Variants in PDLIM5 observed in about 807,000 individuals in gnomAD.
PDLIM5 encodes the protein PDZ and LIM domain protein 5.
Under a neutral mutation model 64.2 loss-of-function variants are expected in PDLIM5, and 34 were observed. That is an observed-to-expected ratio of 0.53 (90% CI 0.40 to 0.71). PDLIM5 has a LOEUF of 0.71. PDLIM5 is among the 30% of genes least tolerant of loss of function. The pLI, the probability that PDLIM5 is intolerant of heterozygous loss-of-function variation, is 0.00. For missense variants in PDLIM5, 683 were observed against 733.6 expected, an observed-to-expected ratio of 0.93 and a Z score of 0.80; for synonymous variants, 253 against 269.1, an observed-to-expected ratio of 0.94 and a Z score of 0.59.
At chr4:94,565,710 A>G (rs914884562) in intron 3 of PDLIM5, among the ~76,000 whole-genome samples, 2 of 152,210 alleles carry the variant, frequency 1.3e-5, no homozygotes, top group African/African-American at 2.4e-5. Context: ...TCCTGTTAGT[A>G]TAGGGAAAAA....
intron 3 of PDLIM5, among the ~76,000 whole-genome samples, chr4:94,535,916 T>C (rs1475706830): frequency 1.3e-5 from 2 of 151,776 alleles, no homozygotes; most frequent in Admixed American, 1.3e-4. Context: ...AATTGTATTT[T>C]TAGTGGCTGG....
chr4:94,566,305 G>A (rs1002445602), intron 3 of PDLIM5, among the ~76,000 whole-genome samples: 1 of 152,034 alleles, frequency 6.6e-6, no homozygotes, highest in South Asian at 2.1e-4. Context: ...TTATATGATG[G>A]GTCAAGTGAA....
At chr4:94,561,199 A>G (rs1328072774) in intron 3 of PDLIM5, among the ~76,000 whole-genome samples, 2 of 152,202 alleles carry the variant, frequency 1.3e-5, no homozygotes, top group African/African-American at 2.4e-5. Flanking sequence ...GGAATGAGGA[A>G]GAACACTGCA....
intron 3 of PDLIM5, among the ~76,000 whole-genome samples, chr4:94,529,937 TA>T (rs1730711314): frequency 6.6e-6 from 1 of 152,222 alleles, no homozygotes; most frequent in South Asian, 2.1e-4. Flanking sequence ...GATCATTTTT[TA>T]AAATTACATT....
At chr4:94,504,250 A>G (rs1179383629) in intron 2 of PDLIM5, among the ~76,000 whole-genome samples, 1 of 151,872 alleles carries the variant, frequency 6.6e-6, no homozygotes, top group South Asian at 2.1e-4. Flanking sequence ...TGAAATCACT[A>G]TGATGTGTAA....
intron 7 of PDLIM5, chr4:94,587,604 C>T (rs12642449): frequency 0.39 from 370,463 of 956,074 alleles, 74,218 homozygotes; most frequent in South Asian, 0.62. Context: ...AAGAAGAGTG[C>T]GTGCATTGTA....
At chr4:94,587,074 G>A (rs752405931) in intron 7 of PDLIM5, 169 of 1,602,936 alleles carry the variant, frequency 1.1e-4, no homozygotes, top group African/African-American at 2.5e-4. Flanking sequence ...TGCTCTTAAC[G>A]TACAGTGATT....
chr4:94,625,110 A>G (rs547095353), intron 8 of PDLIM5, among the ~76,000 whole-genome samples: 2 of 152,276 alleles, frequency 1.3e-5, no homozygotes, highest in East Asian at 3.9e-4. Flanking sequence ...TTACACTTTA[A>G]CCTAACTGGG....
At chr4:94,646,874 A>G (rs34438564) in intron 9 of PDLIM5, among the ~76,000 whole-genome samples, 55,532 of 152,022 alleles carry the variant, frequency 0.37, 11,149 homozygotes, top group South Asian at 0.61. Flanking sequence ...TTTTAAATTC[A>G]TCACTACTAA....
Position 94,662,545 on chromosome 4 carries a change from GA to G in PDLIM5, c.1701+9del, listed in dbSNP as rs1560774358. On this transcript the variant is annotated intron_variant, in intron 12 of 12. Coordinates refer to ENST00000317968, the MANE Select transcript of PDLIM5 (RefSeq NM_006457.5). Reference sequence around the variant, plus strand: ...ACTTGCTTTGTATGCTCAGTAAGTAGAGTCTTATTTCCTAATTAAAGGGGTA... The same window carrying G: ...ACTTGCTTTGTATGCTCAGTAAGTAGGTCTTATTTCCTAATTAAAGGGGTA... 7.3e-7 allele frequency: 1 copy of G among 1,369,064 alleles called. No individual in the cohort carries two copies. The highest frequency in any genetic ancestry group is 1.7e-5 in the Admixed American group (1 of 59,714). 84.8% of individuals were successfully genotyped at this position (1,369,064 alleles called of 1,614,324 possible).
intron 2 of PDLIM5, among the ~76,000 whole-genome samples, chr4:94,474,325 C>T (rs554109869): frequency 5.0e-4 from 76 of 152,156 alleles, no homozygotes; most frequent in Non-Finnish European, 8.2e-4. Context: ...ATCATGGCTC[C>T]GTGCTACCTC....
At chr4:94,521,964 A>G (rs572742290) in intron 2 of PDLIM5, among the ~76,000 whole-genome samples, 1 of 152,250 alleles carries the variant, frequency 6.6e-6, no homozygotes, top group South Asian at 2.1e-4. Flanking sequence ...TTTAGTAGGG[A>G]ATAGATGTCC....
chr4:94,540,252 C>A (rs1731685273), intron 3 of PDLIM5, among the ~76,000 whole-genome samples: 2 of 151,822 alleles, frequency 1.3e-5, no homozygotes, highest in Admixed American at 6.6e-5. Flanking sequence ...CCTGCCTCAG[C>A]CTCCTGAGTA....
intron 2 of PDLIM5, among the ~76,000 whole-genome samples, chr4:94,507,734 G>A (rs1157280839): frequency 1.3e-5 from 2 of 152,188 alleles, no homozygotes; most frequent in African/African-American, 2.4e-5. Context: ...CTCTCTAACA[G>A]AAATGGCTTT....
chr4:94,664,318 T>G lies in PDLIM5; in HGVS notation c.*251T>G. ...AAAATAAGCTTTATAAAAACCAATT[T>G]CCTGATGGACTATTAAATTCATCTT... On this transcript the variant is annotated 3_prime_UTR_variant, in exon 13 of 13. Transcript: ENST00000317968. 2 of 772,362 alleles carry G rather than the reference T, an allele frequency of 2.6e-6. No homozygotes were observed. Among genetic ancestry groups the G allele is most frequent in the Non-Finnish European group, 3.2e-6 (2 of 619,146 alleles). 47.8% of individuals were successfully genotyped at this position (772,362 alleles called of 1,614,324 possible).
intron 2 of PDLIM5, among the ~76,000 whole-genome samples, chr4:94,493,241 A>C (rs188139121): frequency 6.6e-5 from 10 of 152,208 alleles, no homozygotes; most frequent in Admixed American, 6.5e-4. Context: ...TTTTAAAACT[A>C]TATTCTAGAT....
In PDLIM5 at chr4:94,573,498, G is replaced by A. The variant is rs1734984001; in HGVS notation, c.291+105G>A. ...CATACTGACATTCATTTAATTTATAGTCTCAGTACAATTTTCCTTGTAGTT... is the reference window on the plus strand; with the variant it reads ...CATACTGACATTCATTTAATTTATAATCTCAGTACAATTTTCCTTGTAGTT... On this transcript the variant is annotated intron_variant, in intron 4 of 12. Transcript: ENST00000317968. 4 of 938,244 alleles carry A rather than the reference G, an allele frequency of 4.3e-6. No homozygotes were observed. In the Admixed American group the frequency reaches 6.8e-5, roughly 16 times the overall value. 58.1% of individuals were successfully genotyped at this position (938,244 alleles called of 1,614,324 possible). A position where few individuals can be genotyped will look rare whatever the true frequency, so the allele number is the denominator to read the frequency against.
At chr4:94,541,970 A>G (rs1279157005) in intron 3 of PDLIM5, among the ~76,000 whole-genome samples, 1 of 152,100 alleles carries the variant, frequency 6.6e-6, no homozygotes, top group Non-Finnish European at 1.5e-5. Flanking sequence ...TGTGTCTTTT[A>G]TCTACTGTTC....
intron 7 of PDLIM5, chr4:94,610,212 CT>C (rs1738252987): frequency 7.9e-6 from 12 of 1,521,384 alleles, no homozygotes; most frequent in Non-Finnish European, 1.1e-5. Context: ...GTTTTCGAAA[CT>C]TTTCTACCTT....
Sources: allele counts gnomAD v4.1 joint callset (sites outside exome capture counted in the v4.1 genomes callset), GRCh38; gene constraint gnomAD v4.1.1; transcripts MANE v1.5; gene names NCBI Gene and HGNC (gene_info 2026-07-23, HGNC 2026-07-21).